The following COL8A1 variants were observed in gnomAD, a reference collection of about 807,000 sequenced individuals.
COL8A1 encodes the protein collagen alpha-1(VIII) chain.
Under a neutral mutation model 42.7 loss-of-function variants are expected in COL8A1, and 21 were observed. The ratio of observed to expected loss-of-function variants is 0.49; its 90% confidence interval spans 0.35 to 0.71. The LOEUF (loss-of-function observed/expected upper bound fraction) is 0.71, where lower values mean the gene tolerates loss of function less well. Among genes scored for constraint, COL8A1 ranks in the 30% least tolerant of loss-of-function variants. The probability of loss-of-function intolerance (pLI) is 0.01; values close to 1 mark genes in which losing one functional copy is unlikely to be tolerated. For missense variants in COL8A1, 788 were observed against 962.4 expected, an observed-to-expected ratio of 0.82 and a Z score of 2.40; for synonymous variants, 367 against 369.1, an observed-to-expected ratio of 0.99 and a Z score of 0.06.
At chr3:99,678,507 A>T (rs1938768466) in intron 1 of COL8A1, 2 of 152,080 alleles carry the variant, frequency 1.3e-5, no homozygotes, top group Admixed American at 1.3e-4. Flanking sequence ...AAGCTTTGAG[A>T]CCAAGAAATG....
intron 1 of COL8A1, among the ~76,000 whole-genome samples, chr3:99,693,530 T>A (rs892359614): frequency 2.6e-4 from 39 of 152,254 alleles, no homozygotes; most frequent in Non-Finnish European, 1.6e-4. Flanking sequence ...TTTGTGTTTT[T>A]AACAAAAGAA....
intron 1 of COL8A1, among the ~76,000 whole-genome samples, chr3:99,725,152 A>T (rs993240843): frequency 6.6e-6 from 1 of 151,982 alleles, no homozygotes; most frequent in Non-Finnish European, 1.5e-5. Context: ...TGGAAATCAA[A>T]TTTTACCTTG....
chr3:99,795,406 T>C lies in COL8A1; in HGVS notation c.1505T>C (p.Ile502Thr). The C allele has an allele frequency of 1.3e-6, 2 of 1,547,492 alleles. No homozygotes were observed. The highest frequency in any genetic ancestry group is 8.7e-7 in the Non-Finnish European group (1 of 1,144,830). The change falls in exon 4 of 4, where the codon ATT (isoleucine) becomes ACT (threonine). Residue 502 changes from isoleucine (I) to threonine (T), a missense_variant. Transcript: ENST00000652472. Reference protein sequence around the residue: ...GLQGPPGIPGIGGPSGPIGPP... With the variant: ...GLQGPPGIPGTGGPSGPIGPP... ...CAGGGCCCCCCAGGTATCCCAGGGA[T>C]TGGGGGCCCTAGTGGCCCCATTGGA...
intron 2 of COL8A1, among the ~76,000 whole-genome samples, chr3:99,753,289 A>G (rs792842): frequency 6.6e-6 from 1 of 152,114 alleles, no homozygotes; most frequent in Non-Finnish European, 1.5e-5. Flanking sequence ...GGATCCTGAC[A>G]CTGTCCTGTT....
intron 1 of COL8A1, among the ~76,000 whole-genome samples, chr3:99,742,193 A>G (rs1467426778): frequency 6.6e-6 from 1 of 152,216 alleles, no homozygotes; most frequent in Non-Finnish European, 1.5e-5. Context: ...TTGATTCTTA[A>G]TTCTTTTCAT....
chr3:99,760,471 T>C (rs1289947477), intron 2 of COL8A1, among the ~76,000 whole-genome samples: 2 of 152,128 alleles, frequency 1.3e-5, no homozygotes, highest in African/African-American at 2.4e-5. Flanking sequence ...CCCTCTCCCA[T>C]AGAGAAATAT....
chr3:99,653,631 T>A (rs1937921254), intron 1 of COL8A1, among the ~76,000 whole-genome samples: 2 of 151,268 alleles, frequency 1.3e-5, no homozygotes, highest in South Asian at 4.2e-4. Flanking sequence ...CCAGGAAAAA[T>A]GTGGCTGTTC....
At chr3:99,659,816 G>A (rs760352351) in intron 1 of COL8A1, among the ~76,000 whole-genome samples, 5 of 151,986 alleles carry the variant, frequency 3.3e-5, no homozygotes, top group South Asian at 2.1e-4. Context: ...TATAGCTTAC[G>A]GTTATCCTTT....
In COL8A1 at chr3:99,652,985, A is replaced by G. The variant is rs937972513; in HGVS notation, c.-129+14321A>G. ...CCTGAGATGAAGTCCCACTTTTACCACTGAACAACGCAGCCATCCTGGGCA... is the reference window on the plus strand; with the variant it reads ...CCTGAGATGAAGTCCCACTTTTACCGCTGAACAACGCAGCCATCCTGGGCA... On this transcript the variant is annotated intron_variant, in intron 1 of 3. Transcript: ENST00000652472. Among the ~76,000 whole-genome samples the G allele has an allele frequency of 4.0e-4, 61 of 152,180 alleles. 1 individual carries two copies. Among genetic ancestry groups the G allele is most frequent in the Admixed American group, 3.9e-3 (59 of 15,282 alleles).
Position 99,795,164 on chromosome 3 carries a change from A to G in COL8A1, c.1263A>G (p.Pro421=). 1 of 1,613,728 alleles carries G rather than the reference A, an allele frequency of 6.2e-7. No homozygotes were observed. The highest frequency in any genetic ancestry group is 8.5e-7 in the Non-Finnish European group (1 of 1,179,820). The change falls in exon 4 of 4, where the codon CCA becomes CCG. Residue 421 remains proline, a synonymous_variant. Coordinates refer to ENST00000652472, the MANE Select transcript of COL8A1 (RefSeq NM_020351.4). ...GPKGEGGIVG[P]QGPPGPKGEP... ...AAGGAGAAGGTGGGATTGTAGGGCC[A>G]CAGGGGCCACCAGGTCCCAAGGGTG...
At chr3:99,662,939 T>C (rs1299883006) in intron 1 of COL8A1, among the ~76,000 whole-genome samples, 1 of 152,168 alleles carries the variant, frequency 6.6e-6, no homozygotes, top group African/African-American at 2.4e-5. Flanking sequence ...CAATGGTATC[T>C]CTGATCCGGA....
At chr3:99,674,732 T>C (rs573980552) in intron 1 of COL8A1, among the ~76,000 whole-genome samples, 1 of 152,106 alleles carries the variant, frequency 6.6e-6, no homozygotes, top group South Asian at 2.1e-4. Context: ...GCTGAAAGTC[T>C]GCATGAAAAT....
chr3:99,650,493 G>A (rs948548126), intron 1 of COL8A1, among the ~76,000 whole-genome samples: 10 of 151,964 alleles, frequency 6.6e-5, no homozygotes, highest in South Asian at 4.2e-4. Context: ...GGAGTGCAGC[G>A]GCATGATCTT....
rs948058494 is a variant in COL8A1, at chr3:99,799,145, T to C, written c.*3009T>C. Reference sequence around the variant, plus strand: ...GTTCCCATGACAGATTTGAGACTTGTCAATAGCAAATCATTTTTGTATTTA... The same window carrying C: ...GTTCCCATGACAGATTTGAGACTTGCCAATAGCAAATCATTTTTGTATTTA... On this transcript the variant is annotated 3_prime_UTR_variant, in exon 4 of 4. Coordinates refer to ENST00000652472, the MANE Select transcript of COL8A1 (RefSeq NM_020351.4). The C allele has an allele frequency of 1.3e-5, 2 of 152,254 alleles. No homozygotes were observed. The highest frequency in any genetic ancestry group is 2.4e-5 in the African/African-American group (1 of 41,466). The allele number at this position is 152,254 out of a possible 1,614,324, so 9.4% of individuals were successfully genotyped here.
chr3:99,721,026 A>G (rs1576447018), intron 1 of COL8A1, among the ~76,000 whole-genome samples: 2 of 151,990 alleles, frequency 1.3e-5, no homozygotes, highest in Non-Finnish European at 2.9e-5. Context: ...AAAGGAAAGA[A>G]GGGGAGGAAA....
chr3:99,711,460 C>T (rs1939833540), intron 1 of COL8A1, among the ~76,000 whole-genome samples: 1 of 152,168 alleles, frequency 6.6e-6, no homozygotes, highest in South Asian at 2.1e-4. Context: ...TTTTTCAAAA[C>T]TCCTGGGATT....
At chr3:99,734,558 T>C (rs1234352063) in intron 1 of COL8A1, among the ~76,000 whole-genome samples, 3 of 152,044 alleles carry the variant, frequency 2.0e-5, no homozygotes, top group African/African-American at 7.3e-5. Flanking sequence ...TGTAGCCTTG[T>C]AGTATAGTTT....
At chr3:99,752,641 T>G (rs1215078922) in intron 2 of COL8A1, among the ~76,000 whole-genome samples, 2 of 151,696 alleles carry the variant, frequency 1.3e-5, no homozygotes, top group Non-Finnish European at 2.9e-5. Flanking sequence ...ATCCCTCTCC[T>G]ATCAATTGAG....
At chr3:99,787,801 C>G (rs1471305317) in intron 2 of COL8A1, among the ~76,000 whole-genome samples, 3 of 152,060 alleles carry the variant, frequency 2.0e-5, no homozygotes, top group Non-Finnish European at 4.4e-5. Flanking sequence ...GCCAGCCTGG[C>G]TGGCAAAGAT....
Sources: allele counts gnomAD v4.1 joint callset (sites outside exome capture counted in the v4.1 genomes callset), GRCh38; gene constraint gnomAD v4.1.1; transcripts MANE v1.5; gene names NCBI Gene and HGNC (gene_info 2026-07-23, HGNC 2026-07-21).